The following PTPRM variants were observed in gnomAD, a reference collection of about 807,000 sequenced individuals.
PTPRM encodes the protein protein tyrosine phosphatase receptor type M, also known as receptor-type tyrosine-protein phosphatase mu.
A neutral mutation model predicts 186.7 loss-of-function variants in PTPRM; 47 were observed. The ratio of observed to expected loss-of-function variants is 0.25; its 90% CI spans 0.20 to 0.32. PTPRM has a LOEUF of 0.32. PTPRM is among the 10% of genes least tolerant of loss of function. The pLI is 1.00. For missense variants in PTPRM, 1,494 were observed against 1,865.0 expected (o/e 0.80, Z 3.66); for synonymous variants, 668 against 674.9 (o/e 0.99, Z 0.16).
chr18:8,057,231 AGT>A (rs1028938819), intron 7 of PTPRM, among the ~76,000 whole-genome samples: 2 of 151,908 alleles, frequency 1.3e-5, no homozygotes, highest in Non-Finnish European at 2.9e-5. Context: ...TTTAATAAAA[AGT>A]GATCTGAAAC....
intron 1 of PTPRM, among the ~76,000 whole-genome samples, chr18:7,695,663 G>T (rs2039827583): frequency 6.6e-6 from 1 of 152,100 alleles, no homozygotes; most frequent in Non-Finnish European, 1.5e-5. Flanking sequence ...ATCTACCTCA[G>T]AAGGCTTTCA....
intron 2 of PTPRM, among the ~76,000 whole-genome samples, chr18:7,797,801 T>G (rs951232291): frequency 6.6e-6 from 1 of 152,188 alleles, no homozygotes; most frequent in Non-Finnish European, 1.5e-5. Context: ...GGCAATCTAG[T>G]GTGTTCTTTA....
At chr18:7,706,657 A>G (rs1296165525) in intron 1 of PTPRM, among the ~76,000 whole-genome samples, 1 of 150,216 alleles carries the variant, frequency 6.7e-6, no homozygotes, top group African/African-American at 2.4e-5. Flanking sequence ...TTTCCATTAG[A>G]AGATAATTTA....
At chr18:7,784,070 A>G (rs1319919282) in intron 2 of PTPRM, among the ~76,000 whole-genome samples, 1 of 152,032 alleles carries the variant, frequency 6.6e-6, no homozygotes, top group Non-Finnish European at 1.5e-5. Flanking sequence ...TGTGTGACCT[A>G]GGGCACTGCT....
chr18:8,252,600 G>A (rs577902182), intron 18 of PTPRM, 101 bp downstream of exon 18: 61 of 1,165,086 alleles, frequency 5.2e-5, no homozygotes, highest in South Asian at 3.1e-4. Flanking sequence ...GCTCTGTGCT[G>A]GCCTGCATGT....
chr18:8,310,178 AC>A (rs1460313452), intron 20 of PTPRM, among the ~76,000 whole-genome samples: 1 of 151,734 alleles, frequency 6.6e-6, no homozygotes, highest in Non-Finnish European at 1.5e-5. Context: ...CAGTCCTACC[AC>A]CTAAATACCC....
intron 19 of PTPRM, among the ~76,000 whole-genome samples, chr18:8,272,612 G>T (rs2094786345): frequency 6.6e-6 from 1 of 151,982 alleles, no homozygotes; most frequent in African/African-American, 2.4e-5. Context: ...CTCAGTGCAT[G>T]GAAGATTTTT....
chr18:7,600,152 G>C (rs2037363871), intron 1 of PTPRM, among the ~76,000 whole-genome samples: 1 of 152,186 alleles, frequency 6.6e-6, no homozygotes, highest in African/African-American at 2.4e-5. Context: ...TTGCTGAAGG[G>C]TAAGTTATTT....
intron 11 of PTPRM, among the ~76,000 whole-genome samples, chr18:8,100,533 G>T (rs1052436665): frequency 6.6e-6 from 1 of 152,164 alleles, no homozygotes; most frequent in Non-Finnish European, 1.5e-5. Context: ...CACTCATGAA[G>T]GATCTGCTCC....
At chr18:7,852,029 G>A (rs1373180) in intron 2 of PTPRM, among the ~76,000 whole-genome samples, 4,417 of 152,098 alleles carry the variant, frequency 0.029, 204 homozygotes, top group African/African-American at 0.1. Flanking sequence ...AATAGAGAAG[G>A]GATATGTAAA....
intron 14 of PTPRM, among the ~76,000 whole-genome samples, chr18:8,209,937 G>A (rs12954553): frequency 0.28 from 39,390 of 140,278 alleles, 5,467 homozygotes; most frequent in Middle Eastern, 0.53. Context: ...AGGTATACCT[G>A]TGTAACAAAC....
intron 7 of PTPRM, among the ~76,000 whole-genome samples, chr18:8,003,919 A>G (rs776209720): frequency 1.3e-5 from 2 of 152,224 alleles, no homozygotes; most frequent in Non-Finnish European, 2.9e-5. Flanking sequence ...TCTTGGCCAT[A>G]GAAGCACCAA....
intron 2 of PTPRM, among the ~76,000 whole-genome samples, chr18:7,820,059 T>C (rs2045098716): frequency 6.6e-6 from 1 of 152,224 alleles, no homozygotes; most frequent in African/African-American, 2.4e-5. Context: ...TTTTGCTTTA[T>C]CTTAAGCTTG....
intron 3 of PTPRM, among the ~76,000 whole-genome samples, chr18:7,898,259 G>A (rs1373942353): frequency 6.6e-6 from 1 of 152,180 alleles, no homozygotes; most frequent in African/African-American, 2.4e-5. Flanking sequence ...GGATAGACTA[G>A]GTAATGTGTG....
chr18:8,168,062 T>C (rs117896058), intron 14 of PTPRM, among the ~76,000 whole-genome samples: 2,935 of 152,318 alleles, frequency 0.019, 33 homozygotes, highest in Middle Eastern at 0.041. Context: ...GGTCTCTGCT[T>C]CTCAACCCTG....
intron 9 of PTPRM, among the ~76,000 whole-genome samples, chr18:8,082,816 A>C (rs1027557730): frequency 8.6e-5 from 13 of 151,800 alleles, no homozygotes; most frequent in Non-Finnish European, 2.9e-5. Flanking sequence ...CATGTCATAC[A>C]TGTGTGTCCA....
intron 1 of PTPRM, among the ~76,000 whole-genome samples, chr18:7,602,388 C>T (rs1338012861): frequency 6.6e-6 from 1 of 150,812 alleles, no homozygotes; most frequent in African/African-American, 2.4e-5. Context: ...TTGAATTTAA[C>T]ATTAGATATT....
At chr18:8,325,014 A>G (rs2095367193) in intron 22 of PTPRM, among the ~76,000 whole-genome samples, 1 of 152,202 alleles carries the variant, frequency 6.6e-6, no homozygotes, top group Non-Finnish European at 1.5e-5. Flanking sequence ...ATCATTAGGA[A>G]CACAGACTCT....
chr18:7,964,525 C>G (rs979702609), intron 7 of PTPRM, among the ~76,000 whole-genome samples: 3 of 152,146 alleles, frequency 2.0e-5, no homozygotes, highest in African/African-American at 7.2e-5. Context: ...ATTACATATG[C>G]TAATGCAGGA....
Sources: gnomAD v4.1 joint callset for allele counts (sites outside exome capture counted in the v4.1 genomes callset) on GRCh38, gnomAD v4.1.1 for gene constraint, MANE v1.5 for transcripts, NCBI Gene and HGNC (gene_info 2026-07-23, HGNC 2026-07-21) for gene names.